Variants in COPB1 observed in about 807,000 individuals in gnomAD.
COPB1 encodes the protein coatomer subunit beta.
COPB1 carries 21 observed loss-of-function variants against 108.7 expected under a neutral mutation model. That is an observed-to-expected ratio of 0.19 (90% CI 0.14 to 0.28). The LOEUF (loss-of-function observed/expected upper bound fraction) is 0.28, where lower values mean the gene tolerates loss of function less well. Among genes scored for constraint, COPB1 ranks in the 10% least tolerant of loss-of-function variants. The probability of loss-of-function intolerance (pLI) is 1.00; values close to 1 mark genes in which losing one functional copy is unlikely to be tolerated. For missense variants in COPB1, 919 were observed against 1,141.3 expected (o/e 0.81, Z 2.81); for synonymous variants, 378 against 386.8 (o/e 0.98, Z 0.27).
chr11:14,466,248 G>A lies in COPB1; in HGVS notation c.2290+34C>T, dbSNP rs754541344. ...AATCTGTCATAAAGATCTACTATGT[G>A]ACAATCTCTTTCCTGAATGGTAAGT... On this transcript the variant is annotated intron_variant, in intron 17 of 21. Transcript: ENST00000439561. 6.9e-6 allele frequency: 11 copies of A among 1,605,658 alleles called. No homozygotes were observed. The South Asian group carries it at 1.2e-4, about 18-fold the overall frequency.
intron 7 of COPB1, among the ~76,000 whole-genome samples, chr11:14,483,450 TTAAGGGTTAAAAC>T (rs2134117303): frequency 6.6e-6 from 1 of 151,972 alleles, no homozygotes; most frequent in African/African-American, 2.4e-5. Context: ...CAGCCAAAAT[TTAAGGGTTAAAAC>T]TAAGGAACAA....
At chr11:14,476,842 C>T in intron 12 of COPB1, 77 bp downstream of exon 12, 1 of 801,472 alleles carries the variant, frequency 1.2e-6, no homozygotes. Flanking sequence ...ATAATGTAAG[C>T]AAATCACTAT....
Position 14,494,395 on chromosome 11 carries a change from T to G in COPB1, c.136A>C (p.Ile46Leu). The change falls in exon 3 of 22, where the codon ATC becomes CTC. Residue 46 changes from isoleucine to leucine, a missense_variant. This residue lies in a region of COPB1 where 92 missense variants were observed against 108.4 expected (regional missense o/e 0.85). Coordinates refer to ENST00000439561, the MANE Select transcript of COPB1 (RefSeq NM_001144061.2). ...TTTTCACCATTCAGAATCATAATGA[T>G]TACTTTCTTCAAAGCTTCAGTCTTT... ...KSKTEALKKV[I>L]IMILNGEKLP... The G allele has an allele frequency of 6.2e-7, 1 of 1,611,212 alleles. No homozygotes were observed. The highest frequency in any genetic ancestry group is 8.5e-7 in the Non-Finnish European group (1 of 1,178,072).
At chr11:14,476,881 T>C (rs1399988392) in intron 12 of COPB1, 38 bp downstream of exon 12, 1 of 1,321,780 alleles carries the variant, frequency 7.6e-7, no homozygotes, top group African/African-American at 1.5e-5. Context: ...AAAGGAAAAA[T>C]TACCATATAA....
chr11:14,489,590 T>C (rs1461824879), intron 5 of COPB1, among the ~76,000 whole-genome samples: 1 of 152,190 alleles, frequency 6.6e-6, no homozygotes, highest in Non-Finnish European at 1.5e-5. Flanking sequence ...AAATGAACCT[T>C]GAAGACATTA....
At chr11:14,476,230 C>T (rs1036093974) in intron 12 of COPB1, among the ~76,000 whole-genome samples, 1 of 152,156 alleles carries the variant, frequency 6.6e-6, no homozygotes. Flanking sequence ...ACACATTTTA[C>T]CTAATAGAAA....
chr11:14,499,044 G>T, intron 1 of COPB1, 59 bp from the exon 2 acceptor site: 1 of 771,932 alleles, frequency 1.3e-6, no homozygotes, highest in Non-Finnish European at 2.0e-6. Context: ...CCACAAACAA[G>T]TACCTATAGT....
At chr11:14,464,636 G>A (rs1487766334) in intron 18 of COPB1, among the ~76,000 whole-genome samples, 3 of 151,776 alleles carry the variant, frequency 2.0e-5, no homozygotes, top group African/African-American at 7.3e-5. Context: ...AAAGCATATG[G>A]TATATAAACC....
intron 4 of COPB1, among the ~76,000 whole-genome samples, chr11:14,491,192 G>A (rs1320790458): frequency 6.6e-6 from 1 of 152,024 alleles, no homozygotes; most frequent in Non-Finnish European, 1.5e-5. Flanking sequence ...CTACAGGCAC[G>A]TGCCACCATG....
intron 14 of COPB1, among the ~76,000 whole-genome samples, chr11:14,473,840 TAAAAAAA>T (rs60686212): frequency 7.2e-6 from 1 of 138,442 alleles, no homozygotes; most frequent in Admixed American, 7.1e-5. Context: ...TTCATTTGTT[TAAAAAAA>T]AAAAAAAAAG....
At position 14,457,777 on chromosome 11, in the gene COPB1, C is replaced by T; in HGVS notation, c.*47G>A. ...ACAAAAGATGTTGGAGTCCAGTAAG[C>T]CCATACCTAAATTAACTGTAAAGCT... On this transcript the variant is annotated 3_prime_UTR_variant, in exon 22 of 22. Coordinates refer to ENST00000439561, the MANE Select transcript of COPB1 (RefSeq NM_001144061.2). 1.7e-6 allele frequency: 2 copies of T among 1,205,168 alleles called. No homozygotes were observed. Among genetic ancestry groups the T allele is most frequent in the Admixed American group, 3.4e-5 (2 of 58,404 alleles). 74.7% of individuals were successfully genotyped at this position (1,205,168 alleles called of 1,614,324 possible). A position where few individuals can be genotyped will look rare whatever the true frequency, so the allele number is the denominator to read the frequency against.
intron 2 of COPB1, among the ~76,000 whole-genome samples, chr11:14,497,115 G>C (rs1851038716): frequency 6.6e-6 from 1 of 152,146 alleles, no homozygotes; most frequent in African/African-American, 2.4e-5. Flanking sequence ...AAAATCTCCA[G>C]GACGCTGGTC....
At chr11:14,486,625 C>G (rs1470425372) in intron 6 of COPB1, 121 bp from the exon 7 acceptor site, 2 of 1,172,576 alleles carry the variant, frequency 1.7e-6, no homozygotes, top group East Asian at 4.8e-5. Context: ...TAAGAACAGT[C>G]TTATGAGGAC....
intron 6 of COPB1, among the ~76,000 whole-genome samples, chr11:14,488,075 A>G (rs1372304040): frequency 5.3e-5 from 8 of 152,240 alleles, no homozygotes; most frequent in African/African-American, 1.4e-4. Context: ...ATATTAATGC[A>G]TTTAAAGTTT....
At chr11:14,491,185 C>T (rs1383214020) in intron 4 of COPB1, among the ~76,000 whole-genome samples, 3 of 152,084 alleles carry the variant, frequency 2.0e-5, no homozygotes, top group African/African-American at 7.2e-5. Flanking sequence ...TCTGGGACTA[C>T]AGGCACGTGC....
intron 18 of COPB1, among the ~76,000 whole-genome samples, chr11:14,463,699 G>T (rs1057276976): frequency 6.6e-6 from 1 of 152,120 alleles, no homozygotes; most frequent in Non-Finnish European, 1.5e-5. Context: ...CTTTAATACC[G>T]AACCTGCTCA....
Position 14,493,620 on chromosome 11 carries a change from C to T in COPB1, c.491+22G>A, listed in dbSNP as rs760281649. On this transcript the variant is annotated intron_variant, in intron 4 of 21. Transcript: ENST00000439561. ...ACTAAACAGTACTCACAGAATGAAG[C>T]CAAAGCAGTATCTTTATTTACCTAT... The T allele has an allele frequency of 2.5e-6, 4 of 1,571,422 alleles. No homozygotes were observed. The Admixed American group carries it at 5.7e-5, about 22-fold the overall frequency.
Position 14,464,876 on chromosome 11 carries a change from A to T in COPB1, c.2410+35T>A, listed in dbSNP as rs775276923. 74 of 1,596,584 alleles carry T rather than the reference A, an allele frequency of 4.6e-5. 1 individual carries two copies. Among genetic ancestry groups the T allele is most frequent in the South Asian group, 1.9e-4 (17 of 90,426 alleles). The stretch of plus-strand genomic sequence containing the variant: ...ACTATAGAAATTCTTCAGTAAAAGT[A>T]TTCAAACATTACATGCCATAAAACA... On this transcript the variant is annotated intron_variant, in intron 18 of 21. Coordinates refer to ENST00000439561, the MANE Select transcript of COPB1 (RefSeq NM_001144061.2).
intron 5 of COPB1, among the ~76,000 whole-genome samples, chr11:14,490,004 T>C (rs1314917421): frequency 6.6e-6 from 1 of 152,226 alleles, no homozygotes; most frequent in Admixed American, 6.5e-5. Flanking sequence ...ACTTCATGCA[T>C]ATTATTTCCC....
Sources: gnomAD v4.1 joint callset for allele counts (sites outside exome capture counted in the v4.1 genomes callset) on GRCh38, gnomAD v4.1.1 for gene constraint, gnomAD v4.1.1 regional missense constraint, MANE v1.5 for transcripts, NCBI Gene and HGNC (gene_info 2026-07-23, HGNC 2026-07-21) for gene names.